NUP214: variants seen among roughly 807,000 people sequenced by gnomAD.
NUP214 encodes the protein nucleoporin 214.
In NUP214, 79 loss-of-function variants were observed where a neutral mutation model predicts 196.2. The ratio of observed to expected loss-of-function variants is 0.40; its 90% CI spans 0.34 to 0.49. NUP214 has a LOEUF of 0.49. Ranked by LOEUF, NUP214 falls within the 20% of genes least tolerant of loss-of-function variation. The pLI is 0.58. For synonymous variants in NUP214, 1,020 were observed against 990.5 expected (o/e 1.03, Z -0.56); for missense variants, 2,468 against 2,539.0 (o/e 0.97, Z 0.60).
intron 6 of NUP214, 75 bp downstream of exon 6, chr9:131,132,734 A>G: frequency 3.2e-6 from 4 of 1,246,688 alleles, no homozygotes; most frequent in South Asian, 1.2e-5. Context: ...AAATCATGTA[A>G]TGTACCTGCT....
chr9:131,187,736 C>T (rs756089649), intron 25 of NUP214, among the ~76,000 whole-genome samples: 1 of 151,952 alleles, frequency 6.6e-6, no homozygotes, highest in Non-Finnish European at 1.5e-5. Context: ...TAAGTGAAGA[C>T]CATACTGTTT....
At chr9:131,215,717 G>A (rs1361693697) in intron 31 of NUP214, among the ~76,000 whole-genome samples, 1 of 152,060 alleles carries the variant, frequency 6.6e-6, no homozygotes, top group East Asian at 1.9e-4. Flanking sequence ...AGAGCAAGCC[G>A]AGGATGCTGG....
chr9:131,180,766 A>G (rs186705746), intron 24 of NUP214, among the ~76,000 whole-genome samples: 2 of 152,320 alleles, frequency 1.3e-5, no homozygotes, highest in East Asian at 3.9e-4. Context: ...GTTGAATAAG[A>G]CAAACCAAAC....
intron 14 of NUP214, chr9:131,150,095 TA>T (rs1832211336): frequency 2.3e-6 from 1 of 439,530 alleles, no homozygotes; most frequent in Admixed American, 3.5e-5. Context: ...CATGTCCCAG[TA>T]GGAGGTAAGT....
intron 9 of NUP214, among the ~76,000 whole-genome samples, chr9:131,137,740 A>G (rs1029669849): frequency 2.6e-5 from 4 of 151,906 alleles, no homozygotes; most frequent in African/African-American, 7.3e-5. Flanking sequence ...TAGTAGAGAC[A>G]GGTTTTTGCC....
intron 32 of NUP214, among the ~76,000 whole-genome samples, chr9:131,223,557 A>G (rs920175235): frequency 2.0e-5 from 3 of 151,844 alleles, no homozygotes; most frequent in African/African-American, 7.3e-5. Flanking sequence ...AAAGGAACAC[A>G]TAAGGAAATG....
At chr9:131,161,229 T>C (rs1204802830) in intron 18 of NUP214, among the ~76,000 whole-genome samples, 1 of 151,754 alleles carries the variant, frequency 6.6e-6, no homozygotes, top group East Asian at 1.9e-4. Flanking sequence ...GGGCCATCCC[T>C]GAATATTACC....
Position 131,144,390 on chromosome 9 carries a change from A to G in NUP214, c.1405A>G (p.Thr469Ala), listed in dbSNP as rs766231515. The change falls in exon 12 of 36, where the codon ACT becomes GCT. Residue 469 changes from threonine to alanine, a missense_variant. Around this residue, in one of 5 missense-constraint regions of NUP214, gnomAD observed 1,801 missense variants for 1,779.4 expected, o/e 1.01. Coordinates refer to ENST00000359428, the MANE Select transcript of NUP214 (RefSeq NM_005085.4). ...TTCATCACCTGCTGCTCCCATTGCC[A>G]CTTTTTCTTTGCTTCCTGCTGGTGG... ...PPSSPAAPIA[T>A]FSLLPAGGAP... 2.5e-6 allele frequency: 4 copies of G among 1,613,922 alleles called. No homozygotes were observed. Among genetic ancestry groups the G allele is most frequent in the Non-Finnish European group, 3.4e-6 (4 of 1,179,956 alleles).
chr9:131,185,048 C>T (rs1833414670), intron 24 of NUP214, among the ~76,000 whole-genome samples: 1 of 152,090 alleles, frequency 6.6e-6, no homozygotes, highest in Non-Finnish European at 1.5e-5. Flanking sequence ...GTTTTTTATG[C>T]TTTTTAAAAT....
chr9:131,150,761 C>T lies in NUP214; in HGVS notation c.2273C>T (p.Thr758Ile), dbSNP rs1261839090. The change falls in exon 16 of 36, where the codon ACA becomes ATA. Residue 758 changes from threonine (T) to isoleucine (I), a missense_variant. Thr to Ile is a moderately conservative substitution (Grantham distance 89). This residue lies in a region of NUP214 where 1,801 missense variants were observed against 1,779.4 expected (regional missense o/e 1.01). Coordinates refer to ENST00000359428, the MANE Select transcript of NUP214 (RefSeq NM_005085.4). ...HTFLLEIKET[T>I]ESLHGDISSL... ...TTTCTTTTGGAGATTAAAGAGACCA[C>T]AGAGGTTTGTGTTTATGGATACTTT... The T allele has an allele frequency of 6.9e-6, 11 of 1,605,350 alleles. No homozygotes were observed. Among genetic ancestry groups the T allele is most frequent in the Non-Finnish European group, 9.3e-6 (11 of 1,177,740 alleles).
intron 28 of NUP214, among the ~76,000 whole-genome samples, chr9:131,196,810 T>A (rs1833802766): frequency 6.6e-6 from 1 of 152,168 alleles, no homozygotes; most frequent in Non-Finnish European, 1.5e-5. Flanking sequence ...AAGGAAGAAC[T>A]TCCATTTTGA....
At chr9:131,126,731 G>A (rs990410097) in intron 1 of NUP214, among the ~76,000 whole-genome samples, 1 of 151,920 alleles carries the variant, frequency 6.6e-6, no homozygotes, top group African/African-American at 2.4e-5. Context: ...ATATCATTTG[G>A]TAGAGACTGG....
At chr9:131,231,742 TGAC>T (rs1834884656) in intron 34 of NUP214, among the ~76,000 whole-genome samples, 3 of 151,744 alleles carry the variant, frequency 2.0e-5, no homozygotes, top group Admixed American at 1.3e-4. Context: ...TGCAGTAAAC[TGAC>T]AAGGCACAGA....
chr9:131,159,481 A>AT lies in NUP214; in HGVS notation c.2535_2536insT (p.Gln846SerfsTer14). On this transcript the variant is annotated frameshift_variant, in exon 18 of 36. Coordinates refer to ENST00000359428, the MANE Select transcript of NUP214 (RefSeq NM_005085.4). LOFTEE classifies it high-confidence loss of function. Reference sequence around the variant, plus strand: ...ATCAGCATCTGGAACAAAAGAAAAAACAAAGGTGAATGAGATCTCTCATCT... The same window carrying AT: ...ATCAGCATCTGGAACAAAAGAAAAAATCAAAGGTGAATGAGATCTCTCATCT... The AT allele has an allele frequency of 6.2e-7, 1 of 1,609,456 alleles. No homozygotes were observed. The highest frequency in any genetic ancestry group is 8.5e-7 in the Non-Finnish European group (1 of 1,175,802).
At chr9:131,191,855 G>C (rs957603261) in intron 26 of NUP214, 1 of 163,884 alleles carries the variant, frequency 6.1e-6, no homozygotes, top group African/African-American at 2.4e-5. Flanking sequence ...AGGGGGCTTA[G>C]CCTCACATTA....
At chr9:131,141,458 G>A (rs1474587670) in intron 11 of NUP214, among the ~76,000 whole-genome samples, 1 of 145,682 alleles carries the variant, frequency 6.9e-6, no homozygotes, top group Non-Finnish European at 1.5e-5. Flanking sequence ...AGTGACATTT[G>A]TATCACTTGT....
chr9:131,143,640 CTGTT>C (rs1450037022), intron 11 of NUP214, among the ~76,000 whole-genome samples: 1 of 151,780 alleles, frequency 6.6e-6, no homozygotes, highest in African/African-American at 2.4e-5. Context: ...GTTAGTTTCC[CTGTT>C]TATTAGTCCT....
intron 32 of NUP214, among the ~76,000 whole-genome samples, chr9:131,225,912 G>A (rs1177264817): frequency 2.0e-5 from 3 of 152,242 alleles, no homozygotes; most frequent in African/African-American, 7.2e-5. Context: ...GAGGACAGGA[G>A]GAAGGTGGGA....
intron 19 of NUP214, chr9:131,163,391 T>A: frequency 3.8e-6 from 2 of 528,632 alleles, no homozygotes; most frequent in Non-Finnish European, 6.6e-6. Context: ...TTAAATTAAG[T>A]CTGTAAAATA....
Sources: allele counts gnomAD v4.1 joint callset (sites outside exome capture counted in the v4.1 genomes callset), GRCh38; gene constraint gnomAD v4.1.1; regional missense constraint gnomAD v4.1.1; transcripts MANE v1.5; gene names NCBI Gene and HGNC (gene_info 2026-07-23, HGNC 2026-07-21).